CEP170: variants seen among roughly 807,000 people sequenced by gnomAD.
The protein encoded by CEP170 is centrosomal protein of 170 kDa.
CEP170 carries 21 observed loss-of-function variants against 151.9 expected under a neutral mutation model. The observed-to-expected ratio is 0.14, with a 90% CI of 0.10 to 0.20. The LOEUF (loss-of-function observed/expected upper bound fraction) is 0.20, where lower values mean the gene tolerates loss of function less well. Ranked by LOEUF, CEP170 falls within the 10% of genes least tolerant of loss-of-function variation. The probability of loss-of-function intolerance (pLI) is 1.00; values close to 1 mark genes in which losing one functional copy is unlikely to be tolerated. For synonymous variants in CEP170, 356 were observed against 648.8 expected, an observed-to-expected ratio of 0.55 and a Z score of 6.86; for missense variants, 964 against 1,892.9, an observed-to-expected ratio of 0.51 and a Z score of 9.11.
chr1:243,247,286 G>A (rs182739407), intron 1 of CEP170, among the ~76,000 whole-genome samples: 1 of 152,240 alleles, frequency 6.6e-6, no homozygotes, highest in East Asian at 1.9e-4. Flanking sequence ...TCTTTATTTA[G>A]ACACTGTTTA....
At chr1:243,248,948 C>A (rs1247172123) in intron 1 of CEP170, among the ~76,000 whole-genome samples, 1 of 152,164 alleles carries the variant, frequency 6.6e-6, no homozygotes, top group Non-Finnish European at 1.5e-5. Context: ...AGAATACTCT[C>A]CACTCAGATA....
At chr1:243,187,295 G>C (rs1326258279) in intron 8 of CEP170, among the ~76,000 whole-genome samples, 2 of 151,998 alleles carry the variant, frequency 1.3e-5, no homozygotes, top group East Asian at 3.9e-4. Context: ...TACCCTTAAT[G>C]GTTCTGTTAG....
At chr1:243,236,029 C>CA (rs1322230160) in intron 1 of CEP170, among the ~76,000 whole-genome samples, 1 of 152,080 alleles carries the variant, frequency 6.6e-6, no homozygotes, top group Non-Finnish European at 1.5e-5. Context: ...TGCTTTACAC[C>CA]AAAAAATCAA....
chr1:243,153,007 G>T lies in CEP170; in HGVS notation c.3911+3214C>A, dbSNP rs150701195. ...AGGACTTCTGTGATTCATGGAGGAG[G>T]TAAAAATATCAAGATTAACCGGAGT... On this transcript the variant is annotated intron_variant, in intron 14 of 19. Transcript: ENST00000366542. 5.1e-4 allele frequency among the ~76,000 whole-genome samples: 77 copies of T among 152,302 alleles called. 1 individual carries two copies. The highest frequency in any genetic ancestry group is 1.8e-3 in the African/African-American group (73 of 41,554).
intron 16 of CEP170, among the ~76,000 whole-genome samples, chr1:243,139,504 CTTCT>C (rs1187764987): frequency 1.3e-5 from 2 of 151,264 alleles, no homozygotes; most frequent in African/African-American, 4.9e-5. Flanking sequence ...GTATTTCTAC[CTTCT>C]TTATTTTTTA....
intron 7 of CEP170, among the ~76,000 whole-genome samples, chr1:243,196,962 A>G (rs1456705137): frequency 1.3e-5 from 2 of 152,152 alleles, no homozygotes; most frequent in Non-Finnish European, 2.9e-5. Context: ...AGACCACTCA[A>G]ACAACTGGTA....
intron 1 of CEP170, among the ~76,000 whole-genome samples, chr1:243,239,368 T>G (rs2064584741): frequency 6.6e-6 from 1 of 152,324 alleles, no homozygotes; most frequent in African/African-American, 2.4e-5. Context: ...TCCCACTGGT[T>G]CTTACCAATA....
At chr1:243,137,800 A>T (rs914379238) in intron 16 of CEP170, among the ~76,000 whole-genome samples, 3 of 151,728 alleles carry the variant, frequency 2.0e-5, no homozygotes, top group Admixed American at 6.6e-5. Flanking sequence ...AAAAAAAAGA[A>T]TTCTAATGAA....
At chr1:243,138,328 A>C (rs1269073242) in intron 16 of CEP170, among the ~76,000 whole-genome samples, 1 of 150,274 alleles carries the variant, frequency 6.7e-6, no homozygotes, top group Non-Finnish European at 1.5e-5. Context: ...CTATTAGGCC[A>C]GGACAGATCA....
upstream of CEP170, chr1:243,255,346 C>T (rs181174399): frequency 6.5e-6 from 1 of 153,040 alleles, no homozygotes; most frequent in South Asian, 2.0e-4. Flanking sequence ...GCAGGCGCCA[C>T]ACACAGACAA....
intron 13 of CEP170, among the ~76,000 whole-genome samples, chr1:243,161,928 T>G (rs1192321111): frequency 1.3e-5 from 2 of 152,340 alleles, no homozygotes; most frequent in Non-Finnish European, 2.9e-5. Context: ...CAGGTAGGTT[T>G]GTTTGTTTGA....
intron 1 of CEP170, among the ~76,000 whole-genome samples, chr1:243,245,240 A>G (rs1419731933): frequency 6.6e-6 from 1 of 152,204 alleles, no homozygotes; most frequent in African/African-American, 2.4e-5. Flanking sequence ...TGTTATTGAT[A>G]AAAGAAATTT....
chr1:243,137,907 A>G (rs1259035548), intron 16 of CEP170, among the ~76,000 whole-genome samples: 1 of 152,226 alleles, frequency 6.6e-6, no homozygotes, highest in Non-Finnish European at 1.5e-5. Context: ...GTGGGTAATA[A>G]AAGTTTATTT....
At chr1:243,240,990 G>A (rs954372191) in intron 1 of CEP170, among the ~76,000 whole-genome samples, 1 of 152,150 alleles carries the variant, frequency 6.6e-6, no homozygotes, top group African/African-American at 2.4e-5. Context: ...ACCGTGCCCA[G>A]CCAGAAGCAC....
intron 1 of CEP170, among the ~76,000 whole-genome samples, chr1:243,249,519 T>C (rs2065741944): frequency 6.6e-6 from 1 of 152,168 alleles, no homozygotes; most frequent in Non-Finnish European, 1.5e-5. Context: ...GCAAAAGTGG[T>C]AACTCAGCAG....
chr1:243,234,469 A>C (rs1301291310), intron 1 of CEP170, among the ~76,000 whole-genome samples: 1 of 152,210 alleles, frequency 6.6e-6, no homozygotes, highest in African/African-American at 2.4e-5. Context: ...AGGGGGGTTA[A>C]AAGTGATACA....
intron 1 of CEP170, among the ~76,000 whole-genome samples, chr1:243,246,626 G>C (rs2065430423): frequency 1.4e-5 from 1 of 72,088 alleles, no homozygotes; most frequent in East Asian, 3.8e-4. Flanking sequence ...CACATTAAAA[G>C]TTAGAGCCAG....
intron 15 of CEP170, chr1:243,140,736 TGAAG>T (rs1287218013): frequency 6.6e-6 from 1 of 152,204 alleles, no homozygotes; most frequent in Non-Finnish European, 1.5e-5. Flanking sequence ...TCGGGTTTAC[TGAAG>T]AGGGACTCAA....
intron 3 of CEP170, among the ~76,000 whole-genome samples, chr1:243,216,354 T>TC (rs751842629): frequency 2.1e-3 from 158 of 75,864 alleles, no homozygotes; most frequent in Non-Finnish European, 3.1e-3. Flanking sequence ...CCTGCCCCCC[T>TC]CCCCCCGACC....
Sources: allele counts gnomAD v4.1 joint callset (sites outside exome capture counted in the v4.1 genomes callset), GRCh38; gene constraint gnomAD v4.1.1; transcripts MANE v1.5; gene names NCBI Gene and HGNC (gene_info 2026-07-23, HGNC 2026-07-21).